HM13: variants seen among roughly 807,000 people sequenced by gnomAD.
HM13 encodes the protein signal peptide peptidase.
Under a neutral mutation model 50.0 loss-of-function variants are expected in HM13, and 18 were observed. The ratio of observed to expected loss-of-function variants is 0.36; its 90% confidence interval spans 0.25 to 0.53. The LOEUF (loss-of-function observed/expected upper bound fraction) is 0.53, where lower values mean the gene tolerates loss of function less well. Among genes scored for constraint, HM13 ranks in the 20% least tolerant of loss-of-function variants. The probability of loss-of-function intolerance (pLI) is 0.90; values close to 1 mark genes in which losing one functional copy is unlikely to be tolerated. For missense variants in HM13, 393 were observed against 552.4 expected, an observed-to-expected ratio of 0.71 and a Z score of 2.89; for synonymous variants, 197 against 232.6, an observed-to-expected ratio of 0.85 and a Z score of 1.39.
intron 2 of HM13, among the ~76,000 whole-genome samples, chr20:31,534,943 G>A (rs567023565): frequency 1.4e-4 from 22 of 151,754 alleles, no homozygotes; most frequent in African/African-American, 3.6e-4. Context: ...AAAATTAGCC[G>A]GGCGTGGTGG....
intron 1 of HM13, 147 bp from the exon 2 acceptor site, chr20:31,527,337 C>CAAA: frequency 2.1e-5 from 11 of 513,962 alleles, no homozygotes; most frequent in East Asian, 3.6e-5. Flanking sequence ...GACTCCATCT[C>CAAA]AAAAAAAAAA....
At chr20:31,554,362 G>C (rs1984186504) in intron 7 of HM13, among the ~76,000 whole-genome samples, 2 of 146,606 alleles carry the variant, frequency 1.4e-5, no homozygotes, top group East Asian at 2.0e-4. Flanking sequence ...CTGGGCAATA[G>C]AGCAAGCCCC....
intron 7 of HM13, chr20:31,550,416 T>C (rs1272669259): frequency 2.7e-6 from 1 of 372,562 alleles, no homozygotes. Flanking sequence ...GCAGGGGCTT[T>C]CCAGGAGAGA....
intron 2 of HM13, among the ~76,000 whole-genome samples, chr20:31,529,943 G>A (rs1474392439): frequency 1.8e-4 from 27 of 151,870 alleles, no homozygotes; most frequent in Admixed American, 1.7e-3. Context: ...CTTCAGCCTG[G>A]CGACACAGCG....
At position 31,527,544 on chromosome 20, in the gene HM13, G is replaced by A. The variant is rs974101065; in HGVS notation, c.244G>A (p.Ala82Thr). 5 of 1,613,840 alleles carry A rather than the reference G, an allele frequency of 3.1e-6. No homozygotes were observed. Among genetic ancestry groups the A allele is most frequent in the South Asian group, 2.2e-5 (2 of 91,074 alleles). The part of the protein sequence containing the change: ...SRDAARFPII[A>T]SCTLLGLYLF... The stretch of plus-strand genomic sequence containing the variant: ...GGATGCCGCCCGCTTCCCCATCATC[G>A]CCAGCTGCACACTCTTGGGGCTCTA... Residue 82 changes from alanine (A) to threonine (T), a missense_variant, in exon 2 of 13, where the codon GCC becomes ACC. Physicochemically the swap from Ala to Thr is moderately conservative, Grantham distance 58 (BLOSUM62 0). Coordinates refer to ENST00000398174, the MANE Select transcript of HM13 (RefSeq NM_178581.3).
chr20:31,552,188 A>T (rs1984070006), intron 7 of HM13, among the ~76,000 whole-genome samples: 1 of 152,216 alleles, frequency 6.6e-6, no homozygotes, highest in South Asian at 2.1e-4. Context: ...GAACCCAGCC[A>T]GGGTGTCAGG....
intron 8 of HM13, among the ~76,000 whole-genome samples, chr20:31,556,312 T>G (rs1568797024): frequency 6.6e-6 from 1 of 152,262 alleles, no homozygotes; most frequent in Admixed American, 6.5e-5. Flanking sequence ...GTGCTGAGAT[T>G]ACAGGCATGA....
chr20:31,565,148 A>G (rs951998183), intron 10 of HM13, among the ~76,000 whole-genome samples: 1 of 149,390 alleles, frequency 6.7e-6, no homozygotes, highest in Non-Finnish European at 1.5e-5. Context: ...CCTGGGTGAC[A>G]GAGCCAGACT....
intron 7 of HM13, among the ~76,000 whole-genome samples, chr20:31,553,868 G>A (rs183462622): frequency 4.1e-4 from 62 of 152,070 alleles, no homozygotes; most frequent in Middle Eastern, 6.8e-3. Flanking sequence ...CAGAACAAGG[G>A]CCAACATCTG....
At chr20:31,521,393 C>T (rs1048483110) in intron 1 of HM13, among the ~76,000 whole-genome samples, 2 of 152,164 alleles carry the variant, frequency 1.3e-5, no homozygotes, top group African/African-American at 4.8e-5. Flanking sequence ...TACTTCACCT[C>T]TCTAGACCTC....
At chr20:31,517,546 T>C (rs760110395) in intron 1 of HM13, among the ~76,000 whole-genome samples, 5 of 151,934 alleles carry the variant, frequency 3.3e-5, no homozygotes, top group Non-Finnish European at 7.4e-5. Context: ...GAAACAGACA[T>C]GTGACTAGTC....
At chr20:31,533,494 G>A (rs1386637430) in intron 2 of HM13, among the ~76,000 whole-genome samples, 1 of 152,188 alleles carries the variant, frequency 6.6e-6, no homozygotes, top group Non-Finnish European at 1.5e-5. Flanking sequence ...GACAGAGTGA[G>A]ACTTCGTCTC....
intron 3 of HM13, among the ~76,000 whole-genome samples, chr20:31,541,970 T>C (rs975474438): frequency 2.0e-5 from 3 of 152,196 alleles, no homozygotes; most frequent in African/African-American, 7.2e-5. Flanking sequence ...TTCTTTACAG[T>C]TTTGGCAAAA....
intron 11 of HM13, 153 bp from the exon 12 acceptor site, chr20:31,567,925 A>G: frequency 4.5e-6 from 3 of 661,512 alleles, no homozygotes; most frequent in Non-Finnish European, 7.5e-6. Flanking sequence ...TTCTCCAAAT[A>G]ATATCAGCTT....
intron 7 of HM13, among the ~76,000 whole-genome samples, chr20:31,551,992 G>A (rs1568794594): frequency 6.6e-6 from 1 of 152,152 alleles, no homozygotes; most frequent in African/African-American, 2.4e-5. Context: ...GGATCGTGAT[G>A]GACAGGCCAG....
In HM13 at chr20:31,514,464, C is replaced by A; in HGVS notation, c.-88C>A. Reference sequence around the variant, plus strand: ...GTCACTTCCTGTTGCCTTAGGGGAACGTGGCTTTCCCTGCAGAGCCGGTGT... The same window carrying A: ...GTCACTTCCTGTTGCCTTAGGGGAAAGTGGCTTTCCCTGCAGAGCCGGTGT... On this transcript the variant is annotated 5_prime_UTR_variant, in exon 1 of 13. Coordinates refer to ENST00000398174, the MANE Select transcript of HM13 (RefSeq NM_178581.3). This position sits in a 1 kb window ranked among gnomAD's most constrained non-coding sequence, Gnocchi z 4.3. The A allele has an allele frequency of 2.1e-6, 3 of 1,422,860 alleles. No individual in the cohort carries two copies. The highest frequency in any genetic ancestry group is 2.6e-5 in the South Asian group (2 of 76,266). 88.1% of individuals were successfully genotyped at this position (1,422,860 alleles called of 1,614,324 possible).
chr20:31,551,349 C>T (rs73116293), intron 7 of HM13, among the ~76,000 whole-genome samples: 2,719 of 152,278 alleles, frequency 0.018, 31 homozygotes, highest in Non-Finnish European at 0.025. Context: ...TAGGTCATCC[C>T]TTCATGGTCC....
At chr20:31,535,773 C>A (rs1386621795) in intron 2 of HM13, 1 of 152,210 alleles carries the variant, frequency 6.6e-6, no homozygotes. Context: ...AAACAGCTGA[C>A]CATCCCTGTC....
chr20:31,545,439 T>C (rs985865443), intron 4 of HM13, among the ~76,000 whole-genome samples: 1 of 152,070 alleles, frequency 6.6e-6, no homozygotes, highest in Admixed American at 6.6e-5. Context: ...TCACCTAAGG[T>C]TTGAAAAGGG....
Sources: allele counts gnomAD v4.1 joint callset (sites outside exome capture counted in the v4.1 genomes callset), GRCh38; gene constraint gnomAD v4.1.1; non-coding constraint Gnocchi (gnomAD v3.1); transcripts MANE v1.5; gene names NCBI Gene and HGNC (gene_info 2026-07-23, HGNC 2026-07-21).